OR4F6: variants seen among roughly 807,000 people sequenced by gnomAD.
The protein encoded by OR4F6 is olfactory receptor family 4 subfamily F member 6, also known as olfactory receptor 4F6.
Under a neutral mutation model 15.9 loss-of-function variants are expected in OR4F6, and 13 were observed. That is an observed-to-expected ratio of 0.82 (90% CI 0.53 to 1.30). OR4F6 has a LOEUF of 1.30. Among genes scored for constraint, OR4F6 ranks in the 50% most tolerant of loss-of-function variants. The pLI is 0.00. For missense variants in OR4F6, 426 were observed against 367.2 expected, an observed-to-expected ratio of 1.16 and a Z score of -1.31; for synonymous variants, 150 against 133.8, an observed-to-expected ratio of 1.12 and a Z score of -0.83.
rs755731243 is a variant in OR4F6, at chr15:101,806,244, T to C, written c.525T>C (p.Asp175=). The change falls in exon 2 of 2, where the codon GAT becomes GAC. Residue 175 remains aspartate, a synonymous_variant. Transcript: ENST00000328882. ...TGTTCTGTGGCCCTAATGAATTAGA[T>C]AGTTTCTTTTGTGATCTTCCTCGAT... The part of the protein sequence containing the change: ...DLLFCGPNEL[D]SFFCDLPRFI... 9 of 1,613,912 alleles carry C rather than the reference T, an allele frequency of 5.6e-6. No individual in the cohort carries two copies. The highest frequency in any genetic ancestry group is 1.1e-5 in the South Asian group (1 of 91,084).
Position 101,805,971 on chromosome 15 carries a change from C to A in OR4F6, c.252C>A (p.Asp84Glu). 6.2e-7 allele frequency: 1 copy of A among 1,614,144 alleles called. No individual in the cohort carries two copies. Among genetic ancestry groups the A allele is most frequent in the African/African-American group, 1.3e-5 (1 of 75,044 alleles). Reference protein sequence around the residue: ...CSSTAPKMIYDLFRKHKTISF... With the variant: ...CSSTAPKMIYELFRKHKTISF... ...CCACAGCTCCCAAGATGATTTATGA[C>A]CTTTTCAGGAAGCACAAGACCATCT... Residue 84 changes from aspartate to glutamate, a missense_variant, in exon 2 of 2, where the codon GAC (aspartate) becomes GAA (glutamate). Asp to Glu is a conservative substitution (Grantham distance 45, BLOSUM62 2). Transcript: ENST00000328882.
chr15:101,805,137 T>C (rs989218102), intron 1 of OR4F6, among the ~76,000 whole-genome samples: 1 of 152,232 alleles, frequency 6.6e-6, no homozygotes, highest in African/African-American at 2.4e-5. Context: ...TGAAGACATG[T>C]TGAAGAAACA....
In OR4F6 at chr15:101,806,621, G is replaced by T; in HGVS notation, c.902G>T (p.Arg301Leu). ...NKEMMVAMRR[R>L]CSQFVNYSKI... ...GAGATGATGGTGGCAATGAGAAGAC[G>T]ATGCTCTCAGTTTGTGAATTACAGT... The change falls in exon 2 of 2, where the codon CGA becomes CTA. Residue 301 changes from arginine to leucine, a missense_variant. By Grantham distance (102) the Arg-to-Leu change is moderately radical. Transcript: ENST00000328882. 6.3e-7 allele frequency: 1 copy of T among 1,592,650 alleles called. No homozygotes were observed. The highest frequency in any genetic ancestry group is 1.1e-5 in the South Asian group (1 of 86,970).
rs1409324647 is a variant in OR4F6, at chr15:101,806,229, C to T, written c.510C>T (p.Gly170=). The T allele has an allele frequency of 1.9e-6, 3 of 1,613,964 alleles. No homozygotes were observed. The highest frequency in any genetic ancestry group is 2.7e-5 in the African/African-American group (2 of 74,908). The change falls in exon 2 of 2, where the codon GGC becomes GGT. Residue 170 remains glycine, a synonymous_variant. Coordinates refer to ENST00000328882, the MANE Select transcript of OR4F6 (RefSeq NM_001005326.2). ...TTGTTGTAGACCTGCTGTTCTGTGG[C>T]CCTAATGAATTAGATAGTTTCTTTT... ...LAFVVDLLFC[G]PNELDSFFCD... is the part of the protein sequence containing the mutation.
chr15:101,805,142 G>A (rs879417633), intron 1 of OR4F6, among the ~76,000 whole-genome samples: 1 of 152,140 alleles, frequency 6.6e-6, no homozygotes, highest in Non-Finnish European at 1.5e-5. Flanking sequence ...ACATGTTGAA[G>A]AAACATGATT....
chr15:101,804,449 T>C (rs552072558), intron 1 of OR4F6, among the ~76,000 whole-genome samples: 2 of 152,318 alleles, frequency 1.3e-5, no homozygotes, highest in African/African-American at 2.4e-5. Context: ...GTATCTTTTT[T>C]TGTTACATTC....
At position 101,805,845 on chromosome 15, in the gene OR4F6, T is replaced by C; in HGVS notation, c.126T>C (p.Asn42=). 6.2e-7 allele frequency: 1 copy of C among 1,614,046 alleles called. No individual in the cohort carries two copies. The highest frequency in any genetic ancestry group is 8.5e-7 in the Non-Finnish European group (1 of 1,179,976). ...TCTATGTGTCAAGCCTGATGGGAAA[T>C]CTCCTCATTGTGCTAACTGTGACCT... ...SVFYVSSLMG[N]LLIVLTVTSD... The change falls in exon 2 of 2, where the codon AAT becomes AAC. Residue 42 remains asparagine, a synonymous_variant. Transcript: ENST00000328882.
In OR4F6 at chr15:101,806,222, T is replaced by G; in HGVS notation, c.503T>G (p.Phe168Cys). ...IQLAFVVDLL[F>C]CGPNELDSFF... is the part of the protein sequence containing the mutation. ...TTGGCTTTTGTTGTAGACCTGCTGT[T>G]CTGTGGCCCTAATGAATTAGATAGT... The change falls in exon 2 of 2, where the codon TTC becomes TGC. Residue 168 changes from phenylalanine to cysteine, a missense_variant. Phe to Cys is a radical substitution (Grantham distance 205, BLOSUM62 -2). Coordinates refer to ENST00000328882, the MANE Select transcript of OR4F6 (RefSeq NM_001005326.2). 6.2e-7 allele frequency: 1 copy of G among 1,614,224 alleles called. No homozygotes were observed. The highest frequency in any genetic ancestry group is 8.5e-7 in the Non-Finnish European group (1 of 1,180,020).
Position 101,805,841 on chromosome 15 carries a change from G to A in OR4F6, c.122G>A (p.Gly41Glu), listed in dbSNP as rs745953823. Reference protein sequence around the residue: ...FSVFYVSSLMGNLLIVLTVTS... With the variant: ...FSVFYVSSLMENLLIVLTVTS... The stretch of plus-strand genomic sequence containing the variant: ...GTGTTCTATGTGTCAAGCCTGATGG[G>A]AAATCTCCTCATTGTGCTAACTGTG... Residue 41 changes from glycine to glutamate, a missense_variant, in exon 2 of 2, where the codon GGA becomes GAA. Gly to Glu is a moderately conservative substitution (Grantham distance 98). Transcript: ENST00000328882. 1.9e-5 allele frequency: 31 copies of A among 1,613,972 alleles called. No individual in the cohort carries two copies. The highest frequency in any genetic ancestry group is 5.0e-5 in the Admixed American group (3 of 59,992).
Position 101,805,889 on chromosome 15 carries a change from C to T in OR4F6, c.170C>T (p.Ser57Phe). The T allele has an allele frequency of 6.2e-7, 1 of 1,614,080 alleles. No individual in the cohort carries two copies. Residue 57 changes from serine (S) to phenylalanine (F), a missense_variant, in exon 2 of 2, where the codon TCC becomes TTC. By Grantham distance (155) the Ser-to-Phe change is radical. Coordinates refer to ENST00000328882, the MANE Select transcript of OR4F6 (RefSeq NM_001005326.2). ...LTVTSDPRLQSPMYFLLANLS... is the reference protein window; with the variant it reads ...LTVTSDPRLQFPMYFLLANLS... ...GTGACCTCTGACCCTCGTTTACAGT[C>T]CCCCATGTACTTCCTGCTGGCCAAC...
At position 101,806,128 on chromosome 15, in the gene OR4F6, A is replaced by C; in HGVS notation, c.409A>C (p.Asn137His). ...GCCTCTCCACTACCTGACCATCATG[A>C]ACCCACAAAGGTGCATTTTGTTTTT... ...CKPLHYLTIM[N>H]PQRCILFLVI... The change falls in exon 2 of 2, where the codon AAC (asparagine) becomes CAC (histidine). Residue 137 changes from asparagine to histidine, a missense_variant. Transcript: ENST00000328882. 1 of 1,614,214 alleles carries C rather than the reference A, an allele frequency of 6.2e-7. No homozygotes were observed. The highest frequency in any genetic ancestry group is 1.1e-5 in the South Asian group (1 of 91,078).
At chr15:101,805,439 G>A (rs1902779771) in intron 1 of OR4F6, among the ~76,000 whole-genome samples, 1 of 152,154 alleles carries the variant, frequency 6.6e-6, no homozygotes, top group African/African-American at 2.4e-5. Flanking sequence ...GTGTGTGTGT[G>A]TCTGTGTGTG....
chr15:101,804,011 C>T (rs1902757152), intron 1 of OR4F6, among the ~76,000 whole-genome samples: 1 of 152,196 alleles, frequency 6.6e-6, no homozygotes, highest in African/African-American at 2.4e-5. Context: ...CTGGATTTGC[C>T]ACCAACTTGT....
At position 101,805,833 on chromosome 15, in the gene OR4F6, C is replaced by G. The variant is rs1318797825; in HGVS notation, c.114C>G (p.Ser38Arg). ...TTTTCTCAGTGTTCTATGTGTCAAG[C>G]CTGATGGGAAATCTCCTCATTGTGC... ...FLFFSVFYVS[S>R]LMGNLLIVLT... is the part of the protein sequence containing the mutation. The change falls in exon 2 of 2, where the codon AGC becomes AGG. Residue 38 changes from serine (S) to arginine (R), a missense_variant. Ser to Arg is a moderately radical substitution (Grantham distance 110). Transcript: ENST00000328882. 1.9e-5 allele frequency: 30 copies of G among 1,614,086 alleles called. No individual in the cohort carries two copies. The highest frequency in any genetic ancestry group is 2.5e-5 in the Non-Finnish European group (29 of 1,179,944).
Position 101,804,122 on chromosome 15 carries a change from A to T in OR4F6, c.-34+577A>T, listed in dbSNP as rs146702794. Reference sequence around the variant, plus strand: ...TCGTTAGCAAAGTTTCATTCAGGTCATAACAACAGACTTCTATAAGGCTTG... The same window carrying T: ...TCGTTAGCAAAGTTTCATTCAGGTCTTAACAACAGACTTCTATAAGGCTTG... On this transcript the variant is annotated intron_variant, in intron 1 of 1. Coordinates refer to ENST00000328882, the MANE Select transcript of OR4F6 (RefSeq NM_001005326.2). Among the ~76,000 whole-genome samples the T allele has an allele frequency of 1.3e-3, 191 of 152,324 alleles. 3 individuals are homozygous for T. The highest frequency in any genetic ancestry group is 0.012 in the East Asian group (62 of 5,182).
Position 101,805,861 on chromosome 15 carries a change from A to G in OR4F6, c.142A>G (p.Thr48Ala). Residue 48 changes from threonine (T) to alanine (A), a missense_variant, in exon 2 of 2, where the codon ACT (threonine) becomes GCT (alanine). By Grantham distance (58) the Thr-to-Ala change is moderately conservative. Coordinates refer to ENST00000328882, the MANE Select transcript of OR4F6 (RefSeq NM_001005326.2). Reference protein sequence around the residue: ...SLMGNLLIVLTVTSDPRLQSP... With the variant: ...SLMGNLLIVLAVTSDPRLQSP... ...GATGGGAAATCTCCTCATTGTGCTA[A>G]CTGTGACCTCTGACCCTCGTTTACA... The G allele has an allele frequency of 6.2e-7, 1 of 1,614,034 alleles. No homozygotes were observed. Among genetic ancestry groups the G allele is most frequent in the Non-Finnish European group, 8.5e-7 (1 of 1,179,952 alleles).
In OR4F6 at chr15:101,805,745, T is replaced by C. The variant is rs1181783167; in HGVS notation, c.26T>C (p.Val9Ala). The change falls in exon 2 of 2, where the codon GTC becomes GCC. Residue 9 changes from valine to alanine, a missense_variant. Val to Ala is a moderately conservative substitution (Grantham distance 64). Transcript: ENST00000328882. ...ATGGATGAAGCCAATCACTCTGTGG[T>C]CTCTGAGTTTGTGTTCCTGGGACTC... MDEANHSV[V>A]SEFVFLGLSD... The C allele has an allele frequency of 1.2e-6, 2 of 1,613,492 alleles. No homozygotes were observed. The highest frequency in any genetic ancestry group is 1.7e-6 in the Non-Finnish European group (2 of 1,179,700).
At chr15:101,803,926 A>T (rs1385429113) in intron 1 of OR4F6, among the ~76,000 whole-genome samples, 1 of 152,186 alleles carries the variant, frequency 6.6e-6, no homozygotes, top group East Asian at 1.9e-4. Flanking sequence ...GACAGCACAC[A>T]AAGATCATCA....
In OR4F6 at chr15:101,805,984, C is replaced by T; in HGVS notation, c.265C>T (p.His89Tyr). The part of the protein sequence containing the change: ...PKMIYDLFRK[H>Y]KTISFGGCVV... ...GATGATTTATGACCTTTTCAGGAAG[C>T]ACAAGACCATCTCTTTTGGGGGCTG... Residue 89 changes from histidine (H) to tyrosine (Y), a missense_variant, in exon 2 of 2, where the codon CAC (histidine) becomes TAC (tyrosine). Physicochemically the swap from His to Tyr is moderately conservative, Grantham distance 83. Transcript: ENST00000328882. 6.2e-7 allele frequency: 1 copy of T among 1,614,164 alleles called. No individual in the cohort carries two copies. Among genetic ancestry groups the T allele is most frequent in the East Asian group, 2.2e-5 (1 of 44,884 alleles).
Sources: gnomAD v4.1 joint callset for allele counts (sites outside exome capture counted in the v4.1 genomes callset) on GRCh38, gnomAD v4.1.1 for gene constraint, MANE v1.5 for transcripts, NCBI Gene and HGNC (gene_info 2026-07-23, HGNC 2026-07-21) for gene names.